GPHN: variants seen among roughly 807,000 people sequenced by gnomAD.
GPHN encodes gephyrin.
A neutral mutation model predicts 95.5 loss-of-function variants in GPHN; 17 were observed. The observed-to-expected ratio is 0.18, with a 90% CI of 0.12 to 0.27. The LOEUF is 0.27. Among genes scored for constraint, GPHN ranks in the 10% least tolerant of loss-of-function variants. The pLI, the probability that GPHN is intolerant of heterozygous loss-of-function variation, is 1.00. For synonymous variants in GPHN, 320 were observed against 322.5 expected (o/e 0.99, Z 0.08); for missense variants, 660 against 978.1 (o/e 0.67, Z 4.34).
At chr14:66,612,427 T>C (rs2062822615) in intron 1 of GPHN, among the ~76,000 whole-genome samples, 1 of 152,010 alleles carries the variant, frequency 6.6e-6, no homozygotes, top group African/African-American at 2.4e-5. Flanking sequence ...TTGGAAAATT[T>C]AGGGACTATA....
the GPHN span, among the ~76,000 whole-genome samples, chr14:67,452,532 C>G: frequency 0.33 from 50,558 of 151,980 alleles, 8,874 homozygotes; most frequent in African/African-American, 0.42. Flanking sequence ...CATGAAAATG[C>G]ACCAATACAA....
intron 18 of GPHN, among the ~76,000 whole-genome samples, chr14:67,152,707 CTG>C (rs1258132333): frequency 1.6e-4 from 24 of 152,190 alleles, no homozygotes; most frequent in Admixed American, 5.2e-4. Context: ...TGGCTCACAC[CTG>C]TAATCCCAGC....
At chr14:67,105,793 T>C (rs2078001393) in intron 13 of GPHN, among the ~76,000 whole-genome samples, 1 of 152,130 alleles carries the variant, frequency 6.6e-6, no homozygotes, top group South Asian at 2.1e-4. Context: ...AGCTTGTCTG[T>C]ATCTTTTAAC....
chr14:66,675,899 AT>A (rs980000289), intron 1 of GPHN, among the ~76,000 whole-genome samples: 6 of 150,538 alleles, frequency 4.0e-5, no homozygotes, highest in East Asian at 2.0e-4. Context: ...TGCTTTCCTG[AT>A]TTTTTTTTCA....
intron 12 of GPHN, among the ~76,000 whole-genome samples, chr14:67,099,502 C>T (rs1941194201): frequency 6.6e-6 from 1 of 151,188 alleles, no homozygotes; most frequent in Non-Finnish European, 1.5e-5. Context: ...TAAAACTCTT[C>T]TATAATACTT....
chr14:67,012,170 C>T (rs994620956), intron 9 of GPHN, among the ~76,000 whole-genome samples: 2 of 152,096 alleles, frequency 1.3e-5, no homozygotes, highest in African/African-American at 2.4e-5. Context: ...ATGGTTATTC[C>T]ATGTGATGCA....
the GPHN span, chr14:67,353,877 C>T: frequency 6.6e-6 from 1 of 152,098 alleles, no homozygotes; most frequent in Non-Finnish European, 1.5e-5. Flanking sequence ...CAGCCTCTAA[C>T]TCCTGGTCTC....
chr14:67,612,838 C>T, the GPHN span, among the ~76,000 whole-genome samples: 3 of 151,968 alleles, frequency 2.0e-5, no homozygotes, highest in South Asian at 4.1e-4. Context: ...CCAGCTACTC[C>T]GGAGGCTGAG....
At chr14:67,050,410 GTATC>G (rs1472467526) in intron 10 of GPHN, among the ~76,000 whole-genome samples, 2 of 152,170 alleles carry the variant, frequency 1.3e-5, no homozygotes, top group African/African-American at 2.4e-5. Context: ...TATTTACTGA[GTATC>G]TACTATAAGT....
At chr14:67,145,593 T>C (rs2080853743) in intron 18 of GPHN, among the ~76,000 whole-genome samples, 1 of 152,174 alleles carries the variant, frequency 6.6e-6, no homozygotes, top group African/African-American at 2.4e-5. Flanking sequence ...GGGAATGAGA[T>C]GATAGAGGAA....
chr14:66,539,204 T>G (rs2140039269), intron 1 of GPHN, among the ~76,000 whole-genome samples: 1 of 151,768 alleles, frequency 6.6e-6, no homozygotes, highest in Non-Finnish European at 1.5e-5. Flanking sequence ...CTGTCATGTG[T>G]TTTTTGCGGT....
intron 1 of GPHN, among the ~76,000 whole-genome samples, chr14:66,640,194 G>A (rs961473109): frequency 7.9e-5 from 12 of 152,146 alleles, no homozygotes; most frequent in East Asian, 1.9e-4. Context: ...GCTGAGACAC[G>A]CGGATCACTT....
chr14:66,683,949 G>A (rs952204519), intron 2 of GPHN, among the ~76,000 whole-genome samples: 16 of 149,890 alleles, frequency 1.1e-4, no homozygotes, highest in Non-Finnish European at 1.8e-4. Flanking sequence ...ACACTCCAGC[G>A]TGGGCAACAG....
At chr14:66,511,483 C>T (rs1479081562) in intron 1 of GPHN, among the ~76,000 whole-genome samples, 1 of 151,896 alleles carries the variant, frequency 6.6e-6, no homozygotes, top group Non-Finnish European at 1.5e-5. Flanking sequence ...TGTGATCTAC[C>T]CACACACACA....
At chr14:67,166,990 A>G (rs991095771) in intron 20 of GPHN, among the ~76,000 whole-genome samples, 2 of 152,186 alleles carry the variant, frequency 1.3e-5, no homozygotes, top group South Asian at 2.1e-4. Flanking sequence ...TTCAATTTCA[A>G]AAGTGTATTT....
At chr14:66,960,744 T>C (rs949408454) in intron 8 of GPHN, among the ~76,000 whole-genome samples, 1 of 152,106 alleles carries the variant, frequency 6.6e-6, no homozygotes, top group Non-Finnish European at 1.5e-5. Context: ...CTCAAATTTA[T>C]CCACAAGTGA....
chr14:67,465,677 C>T, the GPHN span, among the ~76,000 whole-genome samples: 2 of 152,186 alleles, frequency 1.3e-5, no homozygotes, highest in Non-Finnish European at 2.9e-5. Context: ...TTCTCGACCC[C>T]TATACTGGGT....
intron 4 of GPHN, among the ~76,000 whole-genome samples, chr14:66,862,121 A>T (rs773718462): frequency 5.2e-4 from 79 of 152,146 alleles, no homozygotes; most frequent in Non-Finnish European, 8.7e-4. Flanking sequence ...AGGAGAGAAG[A>T]TACAAATAAA....
chr14:67,336,834 C>T, the GPHN span: 2 of 451,082 alleles, frequency 4.4e-6, no homozygotes, highest in African/African-American at 4.0e-5. Flanking sequence ...TTACACTGAA[C>T]CTAAGATTTT....
Sources: gnomAD v4.1 joint callset for allele counts (sites outside exome capture counted in the v4.1 genomes callset) on GRCh38, gnomAD v4.1.1 for gene constraint, MANE v1.5 for transcripts, NCBI Gene and HGNC (gene_info 2026-07-23, HGNC 2026-07-21) for gene names.